The following ATXN7L1 variants were observed in gnomAD, a reference collection of about 807,000 sequenced individuals.
ATXN7L1 encodes ataxin-7-like protein 1.
ATXN7L1 carries 15 observed loss-of-function variants against 70.8 expected under a neutral mutation model. The observed-to-expected ratio is 0.21, with a 90% CI of 0.14 to 0.33. The LOEUF is 0.33. Among genes scored for constraint, ATXN7L1 ranks in the 10% least tolerant of loss-of-function variants. ATXN7L1 has a pLI of 1.00. For synonymous variants in ATXN7L1, 440 were observed against 445.1 expected (o/e 0.99, Z 0.14); for missense variants, 975 against 1,097.1 (o/e 0.89, Z 1.57).
intron 7 of ATXN7L1, among the ~76,000 whole-genome samples, chr7:105,626,302 A>C (rs573955214): frequency 7.2e-5 from 11 of 152,350 alleles, no homozygotes; most frequent in African/African-American, 2.6e-4. Flanking sequence ...GGATGATTCC[A>C]CTTACATGAG....
intron 7 of ATXN7L1, among the ~76,000 whole-genome samples, chr7:105,627,697 A>C (rs968112097): frequency 1.3e-5 from 2 of 151,638 alleles, no homozygotes; most frequent in African/African-American, 4.8e-5. Context: ...ATGCCCAGCT[A>C]ATTTTTGTAT....
At chr7:105,756,649 G>A (rs2116399897) in intron 3 of ATXN7L1, among the ~76,000 whole-genome samples, 1 of 152,278 alleles carries the variant, frequency 6.6e-6, no homozygotes, top group Non-Finnish European at 1.5e-5. Flanking sequence ...ACAGATGAAA[G>A]GAAGATTAAA....
At position 105,604,908 on chromosome 7, in the gene ATXN7L1, T is replaced by G. The variant is rs936067420; in HGVS notation, c.*2944A>C. 1.3e-5 allele frequency among the ~76,000 whole-genome samples: 2 copies of G among 152,170 alleles called. No individual in the cohort carries two copies. The highest frequency in any genetic ancestry group is 6.5e-5 in the Admixed American group (1 of 15,272). ...TAAATAGAAAATTTCTTTTTTTCCT[T>G]TTTTAAAACAAGAGTTCACTGAGAA... On this transcript the variant is annotated 3_prime_UTR_variant, in exon 12 of 12. Transcript: ENST00000419735.
rs1261142386 is a variant in ATXN7L1 at position 105,614,225 on chromosome 7, T to A, written c.2109A>T (p.Ser703=). ...CACTGAGTGGGCTCACCCCATTGTT[T>A]GAGTTGTGCACAGACAGGCTGTTAT... is the stretch of plus-strand genomic sequence containing the variant. ...PPYNSLSVHN[S]NNGVSPLSAK... The change falls in exon 10 of 12, where the codon TCA becomes TCT. Residue 703 remains serine (S), a synonymous_variant. Transcript: ENST00000419735. The surrounding 1 kb of genome is among the most constrained non-coding windows in gnomAD (Gnocchi z 4.3). 2 of 1,551,658 alleles carry A rather than the reference T, an allele frequency of 1.3e-6. No individual in the cohort carries two copies. The highest frequency in any genetic ancestry group is 1.7e-6 in the Non-Finnish European group (2 of 1,146,980).
At chr7:105,838,969 G>T (rs1279818474) in intron 2 of ATXN7L1, among the ~76,000 whole-genome samples, 1 of 152,168 alleles carries the variant, frequency 6.6e-6, no homozygotes, top group African/African-American at 2.4e-5. Context: ...CATCATCTCT[G>T]CTTAAACCAG....
chr7:105,733,510 C>T (rs1241342336), intron 3 of ATXN7L1, among the ~76,000 whole-genome samples: 10,378 of 139,304 alleles, frequency 0.074, 780 homozygotes, highest in African/African-American at 0.13. Flanking sequence ...ATCCTTCCAT[C>T]CATCCACCCA....
intron 3 of ATXN7L1, among the ~76,000 whole-genome samples, chr7:105,713,767 T>G (rs1462582733): frequency 6.6e-6 from 1 of 151,926 alleles, no homozygotes; most frequent in Non-Finnish European, 1.5e-5. Flanking sequence ...GAAACCCCAG[T>G]CAGGAGGCCT....
chr7:105,734,139 T>C (rs1450128811), intron 3 of ATXN7L1, among the ~76,000 whole-genome samples: 1 of 152,204 alleles, frequency 6.6e-6, no homozygotes, highest in Admixed American at 6.5e-5. Flanking sequence ...AAATTCTGAG[T>C]ATTAGTTTCC....
intron 3 of ATXN7L1, among the ~76,000 whole-genome samples, chr7:105,756,994 C>T (rs1799882001): frequency 6.6e-6 from 1 of 151,824 alleles, no homozygotes. Flanking sequence ...AAAAAGCTCC[C>T]AAAAGATGGA....
At chr7:105,746,396 A>G (rs1037360381) in intron 3 of ATXN7L1, among the ~76,000 whole-genome samples, 1 of 152,240 alleles carries the variant, frequency 6.6e-6, no homozygotes, top group East Asian at 1.9e-4. Flanking sequence ...CTTTTCTCAC[A>G]TTCTTCACTC....
At chr7:105,636,863 C>A (rs1326305695) in intron 7 of ATXN7L1, among the ~76,000 whole-genome samples, 2 of 152,186 alleles carry the variant, frequency 1.3e-5, no homozygotes, top group Non-Finnish European at 2.9e-5. Flanking sequence ...ACTTTCCTAT[C>A]AGGTACCCAT....
intron 3 of ATXN7L1, among the ~76,000 whole-genome samples, chr7:105,728,412 T>C (rs1398616497): frequency 1.3e-5 from 2 of 152,162 alleles, no homozygotes; most frequent in African/African-American, 4.8e-5. Context: ...ACTGTTGCAG[T>C]AGAAATTTAT....
intron 7 of ATXN7L1, among the ~76,000 whole-genome samples, chr7:105,632,585 ATGAGCTAC>A (rs1796751404): frequency 1.3e-5 from 2 of 152,192 alleles, no homozygotes; most frequent in Non-Finnish European, 1.5e-5. Context: ...TCCAGATTGA[ATGAGCTAC>A]TGAGTACCCA....
intron 2 of ATXN7L1, among the ~76,000 whole-genome samples, chr7:105,837,033 G>A (rs1246230080): frequency 6.6e-6 from 1 of 152,184 alleles, no homozygotes; most frequent in East Asian, 1.9e-4. Flanking sequence ...GGAGGCCTCA[G>A]GGAGCTTTTA....
intron 3 of ATXN7L1, among the ~76,000 whole-genome samples, chr7:105,707,746 A>G (rs1254022003): frequency 6.6e-6 from 1 of 152,206 alleles, no homozygotes; most frequent in African/African-American, 2.4e-5. Flanking sequence ...TGTATCCCAA[A>G]GGGGGAGAGG....
rs11357544 is a variant in ATXN7L1 at position 105,639,272 on chromosome 7, G to GTT, written c.945+213_945+214dup. Among the ~76,000 whole-genome samples the GTT allele has an allele frequency of 5.9e-4, 76 of 128,058 alleles. No individual in the cohort carries two copies. The East Asian group carries it at 7.4e-3, about 13-fold the overall frequency. The allele number at this position is 128,058 out of a possible 152,430, so 84.0% of individuals were successfully genotyped here. On this transcript the variant is annotated intron_variant, in intron 6 of 11. Transcript: ENST00000419735. ...CCTCACAAGTAACAGGGGAAGCCTA[G>GTT]TTTTTTTTTTTTTTTTTTTCTCCTT...
At position 105,788,575 on chromosome 7, in the gene ATXN7L1, T is replaced by C. The variant is rs377699609; in HGVS notation, c.355+29A>G. 35 of 1,553,090 alleles carry C rather than the reference T, an allele frequency of 2.3e-5. No individual in the cohort carries two copies. The African/African-American group carries it at 4.6e-4, about 20-fold the overall frequency. On this transcript the variant is annotated intron_variant, in intron 3 of 11. Coordinates refer to ENST00000419735, the MANE Select transcript of ATXN7L1 (RefSeq NM_020725.2). ...CTGTCCCCAGGGCGGCAGCTGCAGA[T>C]GTGGCCGACGGTGCAGGGGTCCACT...
chr7:105,614,591 G>A lies in ATXN7L1; in HGVS notation c.1743C>T (p.Thr581=). The A allele has an allele frequency of 6.4e-7, 1 of 1,551,846 alleles. No homozygotes were observed. The highest frequency in any genetic ancestry group is 8.7e-7 in the Non-Finnish European group (1 of 1,146,932). Reference sequence around the variant, plus strand: ...TTGCGGCCACATGAGGGAAAGCTGTGGTGTGGGACATGAGGGCGCTCGGGT... The same window carrying A: ...TTGCGGCCACATGAGGGAAAGCTGTAGTGTGGGACATGAGGGCGCTCGGGT... The part of the protein sequence containing the change: ...SPDPSALMSH[T]TAFPHVAATL... Residue 581 remains threonine, a synonymous_variant, in exon 10 of 12, where the codon ACC becomes ACT. Transcript: ENST00000419735. The surrounding 1 kb of genome is among the most constrained non-coding windows in gnomAD (Gnocchi z 4.3).
chr7:105,634,115 C>T (rs901989043), intron 7 of ATXN7L1, among the ~76,000 whole-genome samples: 3 of 152,100 alleles, frequency 2.0e-5, no homozygotes, highest in African/African-American at 4.8e-5. Context: ...GCTTGGGTCT[C>T]GGAAAAGCTG....
Sources: allele counts gnomAD v4.1 joint callset (sites outside exome capture counted in the v4.1 genomes callset), GRCh38; gene constraint gnomAD v4.1.1; non-coding constraint Gnocchi (gnomAD v3.1); transcripts MANE v1.5; gene names NCBI Gene and HGNC (gene_info 2026-07-23, HGNC 2026-07-21).